The following ST18 variants were observed in gnomAD, a reference collection of about 807,000 sequenced individuals.
The protein encoded by ST18 is ST18 C2H2C-type zinc finger transcription factor.
Under a neutral mutation model 110.0 loss-of-function variants are expected in ST18, and 50 were observed. The observed-to-expected ratio is 0.45, with a 90% CI of 0.36 to 0.58. The LOEUF (loss-of-function observed/expected upper bound fraction) is 0.58. ST18 is among the 20% of genes least tolerant of loss of function. The pLI, the probability that ST18 is intolerant of heterozygous loss-of-function variation, is 0.00. For missense variants in ST18, 1,306 were observed against 1,280.1 expected, an observed-to-expected ratio of 1.02 and a Z score of -0.31; for synonymous variants, 461 against 452.4, an observed-to-expected ratio of 1.02 and a Z score of -0.24.
At chr8:52,285,146 C>T (rs1292781430) in intron 2 of ST18, among the ~76,000 whole-genome samples, 1 of 152,126 alleles carries the variant, frequency 6.6e-6, no homozygotes, top group Non-Finnish European at 1.5e-5. Flanking sequence ...GCTTCTAAGA[C>T]CCTTTTCAGT....
chr8:52,301,152 C>T (rs559595760), intron 2 of ST18, among the ~76,000 whole-genome samples: 11 of 152,184 alleles, frequency 7.2e-5, no homozygotes, highest in Non-Finnish European at 1.0e-4. Context: ...TTCAAAATGG[C>T]CATATATGTT....
chr8:52,355,886 T>A (rs745541972), intron 2 of ST18, among the ~76,000 whole-genome samples: 14 of 152,208 alleles, frequency 9.2e-5, no homozygotes, highest in Non-Finnish European at 1.6e-4. Flanking sequence ...TTCATCTGAC[T>A]TGAAGCATTA....
chr8:52,390,218 T>A (rs1564640369), intron 2 of ST18, among the ~76,000 whole-genome samples: 1 of 152,092 alleles, frequency 6.6e-6, no homozygotes, highest in Non-Finnish European at 1.5e-5. Flanking sequence ...AGCTTCAGAG[T>A]GGCACACCTC....
At chr8:52,163,668 G>A (rs906665040) in intron 13 of ST18, among the ~76,000 whole-genome samples, 8 of 152,308 alleles carry the variant, frequency 5.3e-5, no homozygotes, top group African/African-American at 1.7e-4. Flanking sequence ...CATCTGACTT[G>A]TGGGTATACT....
intron 8 of ST18, among the ~76,000 whole-genome samples, chr8:52,204,261 A>C (rs189607890): frequency 2.6e-5 from 4 of 152,344 alleles, no homozygotes; most frequent in African/African-American, 9.6e-5. Context: ...AGAAACCCAG[A>C]TTCTTGACTT....
chr8:52,196,465 T>G (rs1392905260), intron 8 of ST18, among the ~76,000 whole-genome samples: 2 of 152,208 alleles, frequency 1.3e-5, no homozygotes, highest in Non-Finnish European at 2.9e-5. Context: ...TGATGTCCCG[T>G]GTCTCTTCTC....
rs765013460 is a variant in ST18, at chr8:52,172,084, C to T, written c.777G>A (p.Pro259=). The change falls in exon 10 of 26, where the codon CCG becomes CCA. Residue 259 remains proline (P), a synonymous_variant. Coordinates refer to ENST00000689386, the MANE Select transcript of ST18 (RefSeq NM_001352837.2). ...CCAGGGGTTCTGCGAGAGCATTCTG[C>T]GGGTCTTTCCTTTCTGTTTCAGAAT... The part of the protein sequence containing the change: ...RCDSETERKD[P]QNALAEPLDG... 18 of 1,614,094 alleles carry T rather than the reference C, an allele frequency of 1.1e-5. No homozygotes were observed. Among genetic ancestry groups the T allele is most frequent in the Admixed American group, 5.0e-5 (3 of 60,004 alleles).
intron 2 of ST18, chr8:52,404,104 T>G (rs1395416835): frequency 6.6e-6 from 1 of 152,144 alleles, no homozygotes. Flanking sequence ...CCATGAACAA[T>G]GAAAAATAGT....
intron 17 of ST18, among the ~76,000 whole-genome samples, chr8:52,139,732 C>T (rs964368574): frequency 6.7e-6 from 1 of 148,590 alleles, no homozygotes; most frequent in African/African-American, 2.5e-5. Flanking sequence ...TAAACATCAG[C>T]TATAAATTAC....
At chr8:52,263,598 T>G (rs144841644) in intron 2 of ST18, among the ~76,000 whole-genome samples, 1,662 of 141,588 alleles carry the variant, frequency 0.012, 18 homozygotes, top group Non-Finnish European at 0.017. Flanking sequence ...TATCATGTAG[T>G]TTTTTTGTTT....
intron 2 of ST18, among the ~76,000 whole-genome samples, chr8:52,385,943 C>T (rs900763194): frequency 3.3e-5 from 5 of 152,160 alleles, no homozygotes; most frequent in Non-Finnish European, 7.3e-5. Flanking sequence ...GAAGGGCCCT[C>T]ACAAATGTCA....
At chr8:52,198,633 T>C (rs780830988) in intron 8 of ST18, among the ~76,000 whole-genome samples, 24 of 152,212 alleles carry the variant, frequency 1.6e-4, no homozygotes, top group Non-Finnish European at 2.8e-4. Context: ...CCTACTTTGG[T>C]ATATTATTAT....
At chr8:52,227,285 G>A (rs2089821302) in intron 3 of ST18, among the ~76,000 whole-genome samples, 1 of 152,138 alleles carries the variant, frequency 6.6e-6, no homozygotes, top group African/African-American at 2.4e-5. Context: ...GCTAGACAGT[G>A]GGCATAAAAG....
chr8:52,299,815 C>T (rs529956886), intron 2 of ST18, among the ~76,000 whole-genome samples: 2 of 152,340 alleles, frequency 1.3e-5, no homozygotes, highest in South Asian at 2.1e-4. Context: ...GTTACAAACA[C>T]TCATGGAAGT....
intron 2 of ST18, among the ~76,000 whole-genome samples, chr8:52,340,460 G>A (rs1462288964): frequency 1.3e-5 from 2 of 152,140 alleles, no homozygotes; most frequent in African/African-American, 4.8e-5. Context: ...GAGACAAGAC[G>A]TGGCTCTATG....
chr8:52,182,954 C>T (rs2070432133), intron 8 of ST18, among the ~76,000 whole-genome samples: 1 of 152,154 alleles, frequency 6.6e-6, no homozygotes, highest in Admixed American at 6.5e-5. Flanking sequence ...TGGGCCTGAA[C>T]TCATACTGAC....
At chr8:52,322,074 C>T (rs1227380763) in intron 2 of ST18, among the ~76,000 whole-genome samples, 2 of 152,188 alleles carry the variant, frequency 1.3e-5, no homozygotes, top group African/African-American at 4.8e-5. Context: ...GCCTTCTTGG[C>T]ACTGTTGATT....
intron 2 of ST18, among the ~76,000 whole-genome samples, chr8:52,383,123 T>G (rs1165063313): frequency 6.6e-6 from 1 of 152,172 alleles, no homozygotes; most frequent in East Asian, 1.9e-4. Flanking sequence ...TTTTATGATC[T>G]GAAACTCAAA....
At chr8:52,265,787 T>C (rs1187034769) in intron 2 of ST18, among the ~76,000 whole-genome samples, 1 of 152,198 alleles carries the variant, frequency 6.6e-6, no homozygotes, top group Non-Finnish European at 1.5e-5. Context: ...AATTCTGGAC[T>C]TTAGTGGAAA....
Sources: allele counts gnomAD v4.1 joint callset (sites outside exome capture counted in the v4.1 genomes callset), GRCh38; gene constraint gnomAD v4.1.1; transcripts MANE v1.5; gene names NCBI Gene and HGNC (gene_info 2026-07-23, HGNC 2026-07-21).